EIF4G3: variants seen among roughly 807,000 people sequenced by gnomAD.
EIF4G3 encodes the protein eIF-4-gamma 3.
EIF4G3 carries 34 observed loss-of-function variants against 186.4 expected under a neutral mutation model. The observed-to-expected ratio is 0.18, with a 90% confidence interval of 0.14 to 0.24. EIF4G3 has a LOEUF of 0.24. Among genes scored for constraint, EIF4G3 ranks in the 10% least tolerant of loss-of-function variants. EIF4G3 has a pLI of 1.00. For missense variants in EIF4G3, 1,536 were observed against 1,948.5 expected (o/e 0.79, Z 3.99); for synonymous variants, 673 against 679.5 (o/e 0.99, Z 0.15).
chr1:21,098,275 G>A (rs370638884), intron 2 of EIF4G3, among the ~76,000 whole-genome samples: 3 of 151,976 alleles, frequency 2.0e-5, no homozygotes, highest in African/African-American at 7.2e-5. Flanking sequence ...GGCCCAATGG[G>A]TCATGCCCAT....
At chr1:20,838,460 C>T (rs1163527386) in intron 30 of EIF4G3, among the ~76,000 whole-genome samples, 1 of 152,140 alleles carries the variant, frequency 6.6e-6, no homozygotes, top group Non-Finnish European at 1.5e-5. Context: ...TTCAAGTCTG[C>T]TGGGAGGACC....
At chr1:20,880,268 T>C (rs2081955789) in intron 19 of EIF4G3, among the ~76,000 whole-genome samples, 1 of 152,188 alleles carries the variant, frequency 6.6e-6, no homozygotes, top group Non-Finnish European at 1.5e-5. Flanking sequence ...GCAGAGAAGA[T>C]ATAATTGTCT....
intron 30 of EIF4G3, among the ~76,000 whole-genome samples, chr1:20,830,110 G>T (rs2064714675): frequency 6.6e-6 from 1 of 152,196 alleles, no homozygotes; most frequent in Non-Finnish European, 1.5e-5. Flanking sequence ...TAAGGAAAGG[G>T]AGGAATGAAT....
intron 19 of EIF4G3, among the ~76,000 whole-genome samples, chr1:20,882,503 C>G (rs2082691738): frequency 6.6e-6 from 1 of 151,924 alleles, no homozygotes; most frequent in African/African-American, 2.4e-5. Flanking sequence ...TGCCTGTAGT[C>G]CCAACTACTC....
chr1:21,038,660 TTCTC>T (rs967521743), intron 4 of EIF4G3, among the ~76,000 whole-genome samples: 7 of 152,144 alleles, frequency 4.6e-5, no homozygotes, highest in South Asian at 2.1e-4. Flanking sequence ...TCTTTCTTTC[TTCTC>T]TCTCTCTGTT....
intron 34 of EIF4G3, among the ~76,000 whole-genome samples, chr1:20,817,057 G>C (rs1026285513): frequency 1.4e-5 from 2 of 138,768 alleles, no homozygotes; most frequent in African/African-American, 5.4e-5. Flanking sequence ...TGCTCGTTAA[G>C]AGTCATCACC....
chr1:20,851,783 CGA>C (rs1286032901), intron 27 of EIF4G3, among the ~76,000 whole-genome samples: 2 of 151,968 alleles, frequency 1.3e-5, no homozygotes, highest in Non-Finnish European at 2.9e-5. Context: ...TTTGGGAGGC[CGA>C]GCAGGGCAGA....
At chr1:21,000,235 C>T (rs978463854) in intron 6 of EIF4G3, among the ~76,000 whole-genome samples, 2 of 151,618 alleles carry the variant, frequency 1.3e-5, no homozygotes, top group Admixed American at 1.3e-4. Context: ...TTTCTTTCCA[C>T]AGTATGAATT....
intron 11 of EIF4G3, among the ~76,000 whole-genome samples, chr1:20,972,464 C>T (rs984898869): frequency 6.6e-6 from 1 of 151,946 alleles, no homozygotes; most frequent in African/African-American, 2.4e-5. Flanking sequence ...CGAAATCCCA[C>T]CTCTACTAAA....
chr1:20,901,431 A>G (rs2090245536), intron 15 of EIF4G3, among the ~76,000 whole-genome samples: 1 of 152,178 alleles, frequency 6.6e-6, no homozygotes, highest in Non-Finnish European at 1.5e-5. Flanking sequence ...TAAACTTATT[A>G]AAGAGCAACA....
intron 2 of EIF4G3, among the ~76,000 whole-genome samples, chr1:21,160,817 CA>C (rs2097754633): frequency 6.6e-6 from 1 of 152,150 alleles, no homozygotes; most frequent in Non-Finnish European, 1.5e-5. Context: ...AAAAGGACAT[CA>C]GGGGTCTCTC....
chr1:20,917,182 T>C (rs1410263368), intron 14 of EIF4G3, among the ~76,000 whole-genome samples: 1 of 152,150 alleles, frequency 6.6e-6, no homozygotes, highest in East Asian at 1.9e-4. Context: ...CTCAACAACA[T>C]ATATAAACAT....
In EIF4G3 at chr1:20,810,591, T is replaced by C. The variant is rs1186944333; in HGVS notation, c.4744+147A>G. On this transcript the variant is annotated intron_variant, in intron 36 of 36. Transcript: ENST00000602326. The surrounding 1 kb of genome is among the most constrained non-coding windows in gnomAD (Gnocchi z 4.1). ...GCGCAAGCCACTGCACCCGGCCAAA[T>C]TCAAATTTATTAAAGTTAGTTATAT... The C allele has an allele frequency of 9.8e-7, 1 of 1,016,886 alleles. No individual in the cohort carries two copies. The highest frequency in any genetic ancestry group is 1.4e-6 in the Non-Finnish European group (1 of 708,460). The allele number at this position is 1,016,886 out of a possible 1,614,324, so 63.0% of individuals were successfully genotyped here.
intron 3 of EIF4G3, chr1:21,064,660 A>C (rs1557785374): frequency 6.6e-6 from 1 of 152,254 alleles, no homozygotes; most frequent in Admixed American, 6.5e-5. Context: ...AATAAAAAAA[A>C]AGAGTGGTAA....
At chr1:21,132,037 A>C (rs2097162804) in intron 2 of EIF4G3, among the ~76,000 whole-genome samples, 1 of 152,142 alleles carries the variant, frequency 6.6e-6, no homozygotes, top group Admixed American at 6.5e-5. Context: ...ATTTTATGTG[A>C]GGAAAAATAT....
At chr1:20,874,557 T>C (rs1363272570) in intron 20 of EIF4G3, among the ~76,000 whole-genome samples, 1 of 152,226 alleles carries the variant, frequency 6.6e-6, no homozygotes, top group Non-Finnish European at 1.5e-5. Context: ...ATATTTTTAT[T>C]AGGCTGTTTT....
chr1:20,954,760 TTC>T (rs2096356526), intron 12 of EIF4G3, among the ~76,000 whole-genome samples: 1 of 152,126 alleles, frequency 6.6e-6, no homozygotes, highest in Non-Finnish European at 1.5e-5. Context: ...AGAGCTTATA[TTC>T]TATCAAAGGA....
In EIF4G3 at chr1:21,089,187, G is replaced by GGTT. The variant is rs1256959289; in HGVS notation, c.-248_-246dup. ...GGGAGTGAAGATTCGATCCTCAAGA[G>GGTT]GTTGTTGCACAGGTCCTCTAGGAAT... On this transcript the variant is annotated 5_prime_UTR_variant, in exon 3 of 37. Transcript: ENST00000602326. 1 of 717,406 alleles carries GGTT rather than the reference G, an allele frequency of 1.4e-6. No individual in the cohort carries two copies. Among genetic ancestry groups the GGTT allele is most frequent in the Admixed American group, 2.0e-5 (1 of 50,012 alleles). 44.4% of individuals were successfully genotyped at this position (717,406 alleles called of 1,614,324 possible).
At chr1:21,019,850 C>T (rs1257553169) in intron 4 of EIF4G3, among the ~76,000 whole-genome samples, 1 of 152,226 alleles carries the variant, frequency 6.6e-6, no homozygotes, top group Non-Finnish European at 1.5e-5. Context: ...CACCACTGCA[C>T]TCCAGCCTGG....
Sources: allele counts gnomAD v4.1 joint callset (sites outside exome capture counted in the v4.1 genomes callset), GRCh38; gene constraint gnomAD v4.1.1; non-coding constraint Gnocchi (gnomAD v3.1); transcripts MANE v1.5; gene names NCBI Gene and HGNC (gene_info 2026-07-23, HGNC 2026-07-21).